The following POFUT2 variants were observed in gnomAD, a reference collection of about 807,000 sequenced individuals.
The protein encoded by POFUT2 is GDP-fucose protein O-fucosyltransferase 2.
POFUT2 carries 30 observed loss-of-function variants against 55.0 expected under a neutral mutation model. The ratio of observed to expected loss-of-function variants is 0.55; its 90% CI spans 0.41 to 0.74. The LOEUF is 0.74. Among genes scored for constraint, POFUT2 ranks in the 30% least tolerant of loss-of-function variants. The probability of loss-of-function intolerance (pLI) is 0.00; values close to 1 mark genes in which losing one functional copy is unlikely to be tolerated. For synonymous variants in POFUT2, 267 were observed against 231.1 expected (o/e 1.16, Z -1.41); for missense variants, 524 against 562.6 (o/e 0.93, Z 0.69).
chr21:45,277,774 C>T lies in POFUT2; in HGVS notation c.705+329G>A, dbSNP rs1272832880. The stretch of plus-strand genomic sequence containing the variant: ...CAGAGAATAGTCCCACCTTTCAAAG[C>T]TAAAGAGAGGAGAAAGGAGGGGTCT... On this transcript the variant is annotated intron_variant, in intron 5 of 8. Transcript: ENST00000349485. This position sits in a 1 kb window ranked among gnomAD's most constrained non-coding sequence, Gnocchi z 6.9. 3.5e-5 allele frequency: 13 copies of T among 373,650 alleles called. No individual in the cohort carries two copies. In the Admixed American group the frequency reaches 5.5e-4, roughly 16 times the overall value. The allele number at this position is 373,650 out of a possible 1,614,324, so 23.1% of individuals were successfully genotyped here.
chr21:45,266,671 A>C (rs2093157843), intron 8 of POFUT2: 18 of 1,001,170 alleles, frequency 1.8e-5, no homozygotes, highest in Non-Finnish European at 2.1e-5. Flanking sequence ...CACACCCAGC[A>C]GACAGCATCA....
At chr21:45,276,919 C>A in intron 6 of POFUT2, 98 bp downstream of exon 6, 2 of 1,371,460 alleles carry the variant, frequency 1.5e-6, no homozygotes. Flanking sequence ...CCCACAGACA[C>A]GCCAACCCTG....
intron 4 of POFUT2, among the ~76,000 whole-genome samples, chr21:45,279,845 G>A (rs1186801818): frequency 2.0e-5 from 3 of 152,198 alleles, no homozygotes; most frequent in Non-Finnish European, 4.4e-5. Context: ...TGAATGGCTG[G>A]GTGGGAAGAA....
intron 8 of POFUT2, chr21:45,266,488 C>A: frequency 8.9e-7 from 1 of 1,117,588 alleles, no homozygotes; most frequent in Non-Finnish European, 1.1e-6. Flanking sequence ...CAGTGCGAAG[C>A]CTCCCCACAG....
intron 7 of POFUT2, 21 bp downstream of exon 7, chr21:45,269,818 G>C (rs376074855): frequency 6.3e-7 from 1 of 1,578,714 alleles, no homozygotes; most frequent in Non-Finnish European, 8.6e-7. Context: ...GGAAAGAAAC[G>C]AAAGCATTGA....
At position 45,267,751 on chromosome 21, in the gene POFUT2, C is replaced by A; in HGVS notation, c.1013-38G>T. On this transcript the variant is annotated intron_variant, in intron 7 of 8. Coordinates refer to ENST00000349485, the MANE Select transcript of POFUT2 (RefSeq NM_133635.6). This position sits in a 1 kb window ranked among gnomAD's most constrained non-coding sequence, Gnocchi z 4.4. ...AGGAGAGACCCTTTGAACCGGGATC[C>A]TCCAGTAAGGACAGATACGTGACTC... 1 of 1,586,550 alleles carries A rather than the reference C, an allele frequency of 6.3e-7. No individual in the cohort carries two copies. The highest frequency in any genetic ancestry group is 8.6e-7 in the Non-Finnish European group (1 of 1,156,556).
chr21:45,267,794 C>G lies in POFUT2; in HGVS notation c.1013-81G>C, dbSNP rs80097322. On this transcript the variant is annotated intron_variant, in intron 7 of 8. Transcript: ENST00000349485. The surrounding 1 kb of genome is among the most constrained non-coding windows in gnomAD (Gnocchi z 4.4). ...CGTGACTCTTTAGCAGACAGACATGCGTACTTGGCTTCTGGTTAATTCGTT... is the reference window on the plus strand; with the variant it reads ...CGTGACTCTTTAGCAGACAGACATGGGTACTTGGCTTCTGGTTAATTCGTT... 15 of 1,262,844 alleles carry G rather than the reference C, an allele frequency of 1.2e-5. No individual in the cohort carries two copies. Among genetic ancestry groups the G allele is most frequent in the Non-Finnish European group, 1.6e-5 (14 of 883,266 alleles). The allele number at this position is 1,262,844 out of a possible 1,614,324, so 78.2% of individuals were successfully genotyped here. A position where few individuals can be genotyped will look rare whatever the true frequency, so the allele number is the denominator to read the frequency against.
Position 45,267,444 on chromosome 21 carries a change from A to T in POFUT2, c.1136+146T>A. The T allele has an allele frequency of 6.2e-7, 1 of 1,613,788 alleles. No individual in the cohort carries two copies. The highest frequency in any genetic ancestry group is 1.1e-5 in the South Asian group (1 of 91,084). ...AGGGAAACACTGAACCAGATGCTAC[A>T]GGAGACTCAGACGAGGAGGCAAACA... On this transcript the variant is annotated intron_variant, in intron 8 of 8. Coordinates refer to ENST00000349485, the MANE Select transcript of POFUT2 (RefSeq NM_133635.6). The surrounding 1 kb of genome is among the most constrained non-coding windows in gnomAD (Gnocchi z 4.4).
At chr21:45,286,604 CA>C (rs2031433795) in intron 1 of POFUT2, among the ~76,000 whole-genome samples, 2 of 152,234 alleles carry the variant, frequency 1.3e-5, no homozygotes. Flanking sequence ...AAAACGGCTA[CA>C]AAAGCTCAGA....
intron 8 of POFUT2, chr21:45,266,376 C>G: frequency 7.9e-7 from 1 of 1,259,362 alleles, no homozygotes; most frequent in South Asian, 1.3e-5. Flanking sequence ...CCACCCCACA[C>G]ACAGGGGCCT....
chr21:45,265,438 A>AC lies in POFUT2; in HGVS notation c.*43dup. The AC allele has an allele frequency of 6.5e-7, 1 of 1,541,286 alleles. No homozygotes were observed. Among genetic ancestry groups the AC allele is most frequent in the Non-Finnish European group, 8.8e-7 (1 of 1,132,538 alleles). On this transcript the variant is annotated 3_prime_UTR_variant, in exon 9 of 9. Transcript: ENST00000349485. The surrounding 1 kb of genome is among the most constrained non-coding windows in gnomAD (Gnocchi z 4.6). ...CTCCACGGCGACAGAACCTGCATCC[A>AC]CCCGCGCCTGTCGGGTCCGGGGAGC... is the stretch of plus-strand genomic sequence containing the variant.
intron 5 of POFUT2, 51 bp downstream of exon 5, chr21:45,278,052 T>C (rs377191041): frequency 1.0e-4 from 135 of 1,346,974 alleles, no homozygotes; most frequent in Non-Finnish European, 1.4e-4. Context: ...AAAAGCTAAA[T>C]AATGGGCAAC....
intron 1 of POFUT2, among the ~76,000 whole-genome samples, 154 bp from the exon 2 acceptor site, chr21:45,286,082 C>A (rs558563353): frequency 2.6e-5 from 4 of 152,330 alleles, no homozygotes; most frequent in Non-Finnish European, 5.9e-5. Flanking sequence ...TTCTCTATGA[C>A]CAGTTACTTA....
At chr21:45,266,139 G>A (rs2093151761) in intron 8 of POFUT2, 1 of 1,364,896 alleles carries the variant, frequency 7.3e-7, no homozygotes. Context: ...CCCTTCTCCA[G>A]GGGTTTCTCC....
At chr21:45,283,307 G>T in intron 3 of POFUT2, 76 bp downstream of exon 3, 1 of 702,404 alleles carries the variant, frequency 1.4e-6, no homozygotes, top group Non-Finnish European at 2.1e-6. Context: ...GGCGCCTGAG[G>T]CGGGGGGGGG....
chr21:45,277,494 T>C lies in POFUT2; in HGVS notation c.706-352A>G. On this transcript the variant is annotated intron_variant, in intron 5 of 8. Transcript: ENST00000349485. The surrounding 1 kb of genome is among the most constrained non-coding windows in gnomAD (Gnocchi z 6.9). Reference sequence around the variant, plus strand: ...CAACTCGACTTCTAGCTTAGGCGGTTAGCACATCCTGCTTTGCCAAACGGG... The same window carrying C: ...CAACTCGACTTCTAGCTTAGGCGGTCAGCACATCCTGCTTTGCCAAACGGG... The C allele has an allele frequency of 3.2e-6, 1 of 312,164 alleles. No homozygotes were observed. The allele number at this position is 312,164 out of a possible 1,614,324, so 19.3% of individuals were successfully genotyped here. A position where few individuals can be genotyped will look rare whatever the true frequency, so the allele number is the denominator to read the frequency against.
chr21:45,268,327 T>C (rs1303095515), intron 7 of POFUT2, among the ~76,000 whole-genome samples: 1 of 152,186 alleles, frequency 6.6e-6, no homozygotes, highest in Non-Finnish European at 1.5e-5. Flanking sequence ...TGATCTCGGC[T>C]CGCTACAACC....
At chr21:45,268,820 C>G (rs1189193003) in intron 7 of POFUT2, among the ~76,000 whole-genome samples, 52 of 138,806 alleles carry the variant, frequency 3.7e-4, no homozygotes, top group East Asian at 6.7e-4. Context: ...GTGGGGGGGT[C>G]AGCCCTCCGC....
Position 45,277,373 on chromosome 21 carries a change from C to G in POFUT2, c.706-231G>C, listed in dbSNP as rs534073827. 11 of 542,018 alleles carry G rather than the reference C, an allele frequency of 2.0e-5. No individual in the cohort carries two copies. In the South Asian group the frequency reaches 2.3e-4, roughly 11 times the overall value. 33.6% of individuals were successfully genotyped at this position (542,018 alleles called of 1,614,324 possible). Reference sequence around the variant, plus strand: ...CGCCCACCCCTGCCGGCTCTGCCAGCCCCTGCCGTGGGAAGCTGCGGCACA... The same window carrying G: ...CGCCCACCCCTGCCGGCTCTGCCAGGCCCTGCCGTGGGAAGCTGCGGCACA... On this transcript the variant is annotated intron_variant, in intron 5 of 8. Transcript: ENST00000349485. The surrounding 1 kb of genome is among the most constrained non-coding windows in gnomAD (Gnocchi z 6.9).
Sources: allele counts gnomAD v4.1 joint callset (sites outside exome capture counted in the v4.1 genomes callset), GRCh38; gene constraint gnomAD v4.1.1; non-coding constraint Gnocchi (gnomAD v3.1); transcripts MANE v1.5; gene names NCBI Gene and HGNC (gene_info 2026-07-23, HGNC 2026-07-21).